The following WDFY4 variants were observed in gnomAD, a reference collection of about 807,000 sequenced individuals.
WDFY4 encodes WD repeat- and FYVE domain-containing protein 4.
WDFY4 carries 169 observed loss-of-function variants against 351.9 expected under a neutral mutation model. The ratio of observed to expected loss-of-function variants is 0.48; its 90% CI spans 0.42 to 0.55. The LOEUF is 0.55. Ranked by LOEUF, WDFY4 falls within the 20% of genes least tolerant of loss-of-function variation. The pLI is 0.00. For missense variants in WDFY4, 3,803 were observed against 3,935.6 expected, an observed-to-expected ratio of 0.97 and a Z score of 0.90; for synonymous variants, 1,622 against 1,574.6, an observed-to-expected ratio of 1.03 and a Z score of -0.71.
intron 13 of WDFY4, among the ~76,000 whole-genome samples, chr10:48,761,617 T>G (rs2065509103): frequency 6.6e-6 from 1 of 152,148 alleles, no homozygotes; most frequent in Admixed American, 6.5e-5. Context: ...ACTAACAGCC[T>G]CATTGTGGGA....
Position 48,720,132 on chromosome 10 carries a change from G to T in WDFY4, c.349+7G>T, listed in dbSNP as rs1340599915. The T allele has an allele frequency of 1.1e-5, 17 of 1,551,282 alleles. No individual in the cohort carries two copies. The highest frequency in any genetic ancestry group is 1.3e-5 in the Non-Finnish European group (15 of 1,146,746). ...CTTGTGGGGAAGCCTGCGGGTAAGA[G>T]CATGGAGGTGCTGGCAGACCCTCTA... On this transcript the variant is annotated splice_region_variant and intron_variant, in intron 3 of 61. Coordinates refer to ENST00000325239, the MANE Select transcript of WDFY4 (RefSeq NM_001394531.1).
chr10:48,818,286 G>A (rs2067692013), intron 32 of WDFY4, among the ~76,000 whole-genome samples: 1 of 152,206 alleles, frequency 6.6e-6, no homozygotes, highest in Admixed American at 6.5e-5. Context: ...TATAATCCAT[G>A]CCAAGTGTGA....
At chr10:48,772,517 C>CTT (rs10672319) in intron 13 of WDFY4, among the ~76,000 whole-genome samples, 2,072 of 70,580 alleles carry the variant, frequency 0.029, 132 homozygotes, top group African/African-American at 0.096. Context: ...GAGGGCAGTT[C>CTT]TTTTTTTTTT....
In WDFY4 at chr10:48,940,633, G is replaced by C. The variant is rs535584371; in HGVS notation, c.7587-1173G>C. On this transcript the variant is annotated intron_variant, in intron 47 of 61. Coordinates refer to ENST00000325239, the MANE Select transcript of WDFY4 (RefSeq NM_001394531.1). ...GTACCTGAATAGAACTGTGGCAGAG[G>C]GGATGGATGGAGAGAACGGATATGA... 3.9e-5 allele frequency among the ~76,000 whole-genome samples: 6 copies of C among 152,282 alleles called. No individual in the cohort carries two copies. In the South Asian group the frequency reaches 1.2e-3, roughly 32 times the overall value.
At chr10:48,896,656 C>T (rs1445960766) in intron 44 of WDFY4, among the ~76,000 whole-genome samples, 2 of 152,102 alleles carry the variant, frequency 1.3e-5, no homozygotes, top group African/African-American at 4.8e-5. Flanking sequence ...TTCCTCTGCT[C>T]CACTCCCTCC....
chr10:48,728,863 A>T (rs1406337226), intron 7 of WDFY4, among the ~76,000 whole-genome samples: 1 of 152,212 alleles, frequency 6.6e-6, no homozygotes, highest in Non-Finnish European at 1.5e-5. Flanking sequence ...AGGGAGTGCC[A>T]AGAAGGTCCC....
intron 39 of WDFY4, among the ~76,000 whole-genome samples, chr10:48,842,692 GT>G (rs1564409175): frequency 6.6e-6 from 1 of 152,192 alleles, no homozygotes; most frequent in East Asian, 1.9e-4. Flanking sequence ...GTTGGTTCTT[GT>G]TCTTAAACCT....
chr10:48,728,049 A>G (rs937460151), intron 7 of WDFY4, among the ~76,000 whole-genome samples: 1 of 152,184 alleles, frequency 6.6e-6, no homozygotes, highest in Non-Finnish European at 1.5e-5. Context: ...GAAGGTGCCA[A>G]TGGGTGCACA....
Position 48,875,156 on chromosome 10 carries a change from A to AT in WDFY4, c.7000+22dup, listed in dbSNP as rs770635127. On this transcript the variant is annotated intron_variant, in intron 42 of 61. Coordinates refer to ENST00000325239, the MANE Select transcript of WDFY4 (RefSeq NM_001394531.1). ...GAAAACCAAGGTATTCAGTTTATCTATTTTTTCCTTTAATAGTTAAGCTAA... is the reference window on the plus strand; with the variant it reads ...GAAAACCAAGGTATTCAGTTTATCTATTTTTTTCCTTTAATAGTTAAGCTAA... 7.2e-6 allele frequency: 10 copies of AT among 1,389,512 alleles called. No homozygotes were observed. The highest frequency in any genetic ancestry group is 5.3e-5 in the South Asian group (3 of 56,150). The allele number at this position is 1,389,512 out of a possible 1,614,324, so 86.1% of individuals were successfully genotyped here.
intron 1 of WDFY4, among the ~76,000 whole-genome samples, chr10:48,691,180 G>GT (rs2063184276): frequency 6.6e-6 from 1 of 152,154 alleles, no homozygotes; most frequent in Non-Finnish European, 1.5e-5. Context: ...TGCCAAGGCT[G>GT]TCAGGACCCA....
At chr10:48,696,255 C>A (rs1190736615) in intron 1 of WDFY4, among the ~76,000 whole-genome samples, 1 of 152,230 alleles carries the variant, frequency 6.6e-6, no homozygotes, top group African/African-American at 2.4e-5. Context: ...TATCGTGAGT[C>A]CAGCAGCTGC....
At chr10:48,961,265 A>C (rs540324451) in intron 53 of WDFY4, among the ~76,000 whole-genome samples, 1 of 152,206 alleles carries the variant, frequency 6.6e-6, no homozygotes, top group South Asian at 2.1e-4. Flanking sequence ...GATGAATGTA[A>C]CTGCAGGCAG....
At chr10:48,686,250 AG>A (rs2063043669) in intron 1 of WDFY4, among the ~76,000 whole-genome samples, 1 of 140,814 alleles carries the variant, frequency 7.1e-6, no homozygotes, top group Admixed American at 7.6e-5. Flanking sequence ...GGAGGCTGAG[AG>A]GGGCAGATCA....
chr10:48,903,998 C>T (rs758160190), intron 47 of WDFY4, among the ~76,000 whole-genome samples: 12 of 152,162 alleles, frequency 7.9e-5, no homozygotes, highest in Non-Finnish European at 1.8e-4. Flanking sequence ...GGAAGACATC[C>T]TGGAAGCCAG....
intron 9 of WDFY4, 37 bp downstream of exon 9, chr10:48,731,599 C>G (rs2064463004): frequency 1.3e-6 from 2 of 1,525,856 alleles, no homozygotes; most frequent in Non-Finnish European, 1.8e-6. Flanking sequence ...GGGCAGGGGT[C>G]AGTGTCAGCC....
rs368576558 is a variant in WDFY4, at chr10:48,685,378, C to T, written c.-18+377C>T. ...GGCTGACACGGGCTTTCCTGGTTGT[C>T]GAGGGGGCGGAGAGAGCAGGCCGAC... On this transcript the variant is annotated intron_variant, in intron 1 of 61. Coordinates refer to ENST00000325239, the MANE Select transcript of WDFY4 (RefSeq NM_001394531.1). Among the ~76,000 whole-genome samples the T allele has an allele frequency of 3.6e-4, 55 of 152,290 alleles. No individual in the cohort carries two copies. The East Asian group carries it at 6.2e-3, about 17-fold the overall frequency.
chr10:48,982,530 T>C lies in WDFY4; in HGVS notation c.9510T>C (p.Val3170=). Reference sequence around the variant, plus strand: ...CAAGAAACCACACCAAACTCCTGGTTGGTGATGAGAGGGGGAGAATATTCT... The same window carrying C: ...CAAGAAACCACACCAAACTCCTGGTCGGTGATGAGAGGGGGAGAATATTCT... ...AVSRNHTKLL[V]GDERGRIFCW... Residue 3170 remains valine (V), a synonymous_variant, in exon 62 of 62, where the codon GTT becomes GTC. Transcript: ENST00000325239. 1 of 1,530,504 alleles carries C rather than the reference T, an allele frequency of 6.5e-7. No homozygotes were observed. The highest frequency in any genetic ancestry group is 8.8e-7 in the Non-Finnish European group (1 of 1,133,872). 94.8% of individuals were successfully genotyped at this position (1,530,504 alleles called of 1,614,324 possible).
At chr10:48,732,461 G>C (rs1286779732) in intron 9 of WDFY4, among the ~76,000 whole-genome samples, 1 of 152,136 alleles carries the variant, frequency 6.6e-6, no homozygotes, top group Non-Finnish European at 1.5e-5. Context: ...GGCTGGAAGG[G>C]TCAGGGAGCT....
At chr10:48,797,549 T>C (rs572639090) in intron 24 of WDFY4, among the ~76,000 whole-genome samples, 1 of 152,206 alleles carries the variant, frequency 6.6e-6, no homozygotes, top group Non-Finnish European at 1.5e-5. Context: ...TGTAGGTTAT[T>C]TTGAGTCTAG....
Sources: gnomAD v4.1 joint callset for allele counts (sites outside exome capture counted in the v4.1 genomes callset) on GRCh38, gnomAD v4.1.1 for gene constraint, MANE v1.5 for transcripts, NCBI Gene and HGNC (gene_info 2026-07-23, HGNC 2026-07-21) for gene names.